The following ASTN2 variants were observed in gnomAD, a reference collection of about 807,000 sequenced individuals.
The protein encoded by ASTN2 is astrotactin 2, also known as astrotactin-2.
A neutral mutation model predicts 139.8 loss-of-function variants in ASTN2; 54 were observed. The observed-to-expected ratio is 0.39, with a 90% confidence interval of 0.31 to 0.48. The LOEUF (loss-of-function observed/expected upper bound fraction) is 0.48. Ranked by LOEUF, ASTN2 falls within the 20% of genes least tolerant of loss-of-function variation. The pLI is 0.95. For missense variants in ASTN2, 1,565 were observed against 1,725.1 expected, an observed-to-expected ratio of 0.91 and a Z score of 1.64; for synonymous variants, 756 against 719.5, an observed-to-expected ratio of 1.05 and a Z score of -0.81.
At chr9:117,016,799 G>GTT (rs1380725332) in intron 6 of ASTN2, among the ~76,000 whole-genome samples, 11 of 108,038 alleles carry the variant, frequency 1.0e-4, no homozygotes, top group Admixed American at 2.1e-4. Context: ...TTATATATAG[G>GTT]TTATATATAT....
At chr9:116,481,141 A>G (rs1167909549) in intron 20 of ASTN2, among the ~76,000 whole-genome samples, 1 of 151,388 alleles carries the variant, frequency 6.6e-6, no homozygotes, top group African/African-American at 2.4e-5. Flanking sequence ...TAATCTCAGC[A>G]CTTTGGGAGG....
rs547226513 is a variant in ASTN2, at chr9:116,951,057, G to A, written c.1889+24151C>T. Among the ~76,000 whole-genome samples the A allele has an allele frequency of 4.2e-4, 64 of 152,250 alleles. No individual in the cohort carries two copies. In the South Asian group the frequency reaches 0.012, roughly 28 times the overall value. On this transcript the variant is annotated intron_variant, in intron 10 of 22. Coordinates refer to ENST00000313400, the MANE Select transcript of ASTN2 (RefSeq NM_001365068.1). ...GACAGAAAGAGATAGAGAGAACTAG[G>A]CCATATGTGATGGCTCACGCCTGTA...
intron 4 of ASTN2, among the ~76,000 whole-genome samples, chr9:117,120,010 G>GTATATATATATA (rs1167959692): frequency 3.0e-5 from 1 of 33,726 alleles, no homozygotes; most frequent in African/African-American, 8.1e-5. Flanking sequence ...GTGTGTGTGT[G>GTATATATATATA]TGTGTGTGTA....
chr9:116,915,239 A>C (rs1323143042), intron 10 of ASTN2, among the ~76,000 whole-genome samples: 1 of 152,144 alleles, frequency 6.6e-6, no homozygotes, highest in East Asian at 1.9e-4. Context: ...AAAGACCAAA[A>C]AGTTCTCATG....
At chr9:116,775,507 G>GAGGA (rs569563039) in intron 13 of ASTN2, among the ~76,000 whole-genome samples, 85 of 115,734 alleles carry the variant, frequency 7.3e-4, no homozygotes, top group African/African-American at 2.6e-3. Context: ...GGGAGGAAAA[G>GAGGA]AGGAAGGAAG....
chr9:117,412,013 C>A (rs1831178155), intron 1 of ASTN2, among the ~76,000 whole-genome samples: 2 of 150,304 alleles, frequency 1.3e-5, no homozygotes, highest in Non-Finnish European at 3.0e-5. Context: ...CCCCTCCCCC[C>A]CCCAACCCCC....
At chr9:116,427,772 C>T (rs1309739114) in intron 22 of ASTN2, among the ~76,000 whole-genome samples, 1 of 152,242 alleles carries the variant, frequency 6.6e-6, no homozygotes, top group African/African-American at 2.4e-5. Context: ...TCCTGAGGTG[C>T]CAAGAATTCA....
intron 2 of ASTN2, among the ~76,000 whole-genome samples, chr9:117,280,492 C>G (rs1375352566): frequency 1.3e-5 from 2 of 152,042 alleles, no homozygotes; most frequent in African/African-American, 4.8e-5. Context: ...TAATGAGAGG[C>G]GCATGGAAGA....
At chr9:116,924,254 TAAA>T (rs1312741464) in intron 10 of ASTN2, among the ~76,000 whole-genome samples, 1 of 142,858 alleles carries the variant, frequency 7.0e-6, no homozygotes, top group African/African-American at 2.7e-5. Context: ...ACTAAAAATA[TAAA>T]AAAAAAAAAA....
At chr9:116,938,336 T>C (rs774024024) in intron 10 of ASTN2, among the ~76,000 whole-genome samples, 2 of 152,128 alleles carry the variant, frequency 1.3e-5, no homozygotes, top group Non-Finnish European at 2.9e-5. Flanking sequence ...CCTATGTTAA[T>C]GCAAATCAGA....
At chr9:117,265,137 T>C (rs1477377680) in intron 2 of ASTN2, among the ~76,000 whole-genome samples, 1 of 152,100 alleles carries the variant, frequency 6.6e-6, no homozygotes, top group East Asian at 1.9e-4. Context: ...GTTCAGAAGA[T>C]AGGAATTTGA....
intron 10 of ASTN2, among the ~76,000 whole-genome samples, chr9:116,970,507 C>A (rs937426249): frequency 6.6e-6 from 1 of 152,144 alleles, no homozygotes; most frequent in Non-Finnish European, 1.5e-5. Flanking sequence ...TCCCTCTATT[C>A]TTCTTCAACT....
intron 19 of ASTN2, among the ~76,000 whole-genome samples, chr9:116,572,876 G>A (rs977786893): frequency 6.6e-6 from 1 of 152,152 alleles, no homozygotes; most frequent in Admixed American, 6.5e-5. Context: ...AGGCACTCTT[G>A]TGAGAAGAAA....
intron 20 of ASTN2, among the ~76,000 whole-genome samples, chr9:116,461,209 T>C (rs1453131502): frequency 6.6e-6 from 1 of 151,028 alleles, no homozygotes; most frequent in African/African-American, 2.4e-5. Flanking sequence ...AATCTTCTAA[T>C]ATATTATATA....
At chr9:117,033,439 T>C (rs1222645565) in intron 6 of ASTN2, among the ~76,000 whole-genome samples, 1 of 146,644 alleles carries the variant, frequency 6.8e-6, no homozygotes, top group African/African-American at 2.7e-5. Flanking sequence ...CACTTATTCT[T>C]AGCAATAACT....
At chr9:117,166,627 C>T (rs1006433206) in intron 3 of ASTN2, among the ~76,000 whole-genome samples, 1 of 152,102 alleles carries the variant, frequency 6.6e-6, no homozygotes, top group African/African-American at 2.4e-5. Context: ...TATTCCTCAT[C>T]TCCCCTAGCT....
At chr9:117,402,414 A>T (rs910872548) in intron 1 of ASTN2, among the ~76,000 whole-genome samples, 35 of 152,322 alleles carry the variant, frequency 2.3e-4, no homozygotes, top group African/African-American at 8.2e-4. Context: ...GACTGAAAGG[A>T]TGAGAGGCAA....
At chr9:117,297,414 T>A (rs1048151779) in intron 1 of ASTN2, among the ~76,000 whole-genome samples, 2 of 152,182 alleles carry the variant, frequency 1.3e-5, no homozygotes, top group Admixed American at 1.3e-4. Context: ...TAATCGCAAA[T>A]ACTCATGCCC....
At chr9:117,190,784 C>T (rs2132967176) in intron 3 of ASTN2, among the ~76,000 whole-genome samples, 1 of 152,020 alleles carries the variant, frequency 6.6e-6, no homozygotes, top group East Asian at 1.9e-4. Flanking sequence ...TCCTGAGGGC[C>T]CTAATTCCCT....
Sources: gnomAD v4.1 joint callset for allele counts (sites outside exome capture counted in the v4.1 genomes callset) on GRCh38, gnomAD v4.1.1 for gene constraint, MANE v1.5 for transcripts, NCBI Gene and HGNC (gene_info 2026-07-23, HGNC 2026-07-21) for gene names.